CYP2R1: variants seen among roughly 807,000 people sequenced by gnomAD.
The protein encoded by CYP2R1 is cytochrome P450 family 2 subfamily R member 1.
CYP2R1 carries 40 observed loss-of-function variants against 45.7 expected under a neutral mutation model. The observed-to-expected ratio is 0.87, with a 90% CI of 0.68 to 1.14. The LOEUF (loss-of-function observed/expected upper bound fraction) is 1.14, where lower values mean the gene tolerates loss of function less well. CYP2R1 is among the 50% of genes most tolerant of loss of function. The pLI is 0.00. For missense variants in CYP2R1, 605 were observed against 602.6 expected (o/e 1.00, Z -0.04); for synonymous variants, 234 against 219.3 (o/e 1.07, Z -0.59).
In CYP2R1 at chr11:14,878,165, G is replaced by GT; in HGVS notation, c.1462dup (p.Thr488AsnfsTer12). 1 of 1,613,190 alleles carries GT rather than the reference G, an allele frequency of 6.2e-7. No homozygotes were observed. The highest frequency in any genetic ancestry group is 8.5e-7 in the Non-Finnish European group (1 of 1,179,462). On this transcript the variant is annotated frameshift_variant, in exon 5 of 5. Coordinates refer to ENST00000334636, the MANE Select transcript of CYP2R1 (RefSeq NM_024514.5). LOFTEE classifies it high-confidence loss of function. ...GATGAGGTAGGGTTGGGGCTGCAAT[G>GT]TCATGCCTAACCTGGGCTTCAGATC...
intron 1 of CYP2R1, 197 bp downstream of exon 1, chr11:14,891,784 T>TC: frequency 7.2e-7 from 1 of 1,392,836 alleles, no homozygotes; most frequent in South Asian, 1.7e-5. Context: ...GGGGCGGGGC[T>TC]CCCCCTGCAA....
chr11:14,880,635 A>G lies in CYP2R1; in HGVS notation c.501T>C (p.Asp167=). The change falls in exon 3 of 5, where the codon GAT becomes GAC. Residue 167 remains aspartate (D), a synonymous_variant. Transcript: ENST00000334636. ...KILEETKFFN[D]AIETYKGRPF... ...GTCTACCTTTGTATGTTTCAATAGC[A>G]TCATTGAAAAATTTGGTTTCTTCCA... 2 of 1,599,684 alleles carry G rather than the reference A, an allele frequency of 1.3e-6. No individual in the cohort carries two copies. Among genetic ancestry groups the G allele is most frequent in the Non-Finnish European group, 1.7e-6 (2 of 1,174,514 alleles).
intron 4 of CYP2R1, among the ~76,000 whole-genome samples, chr11:14,878,723 T>G (rs1301157412): frequency 6.6e-6 from 1 of 152,092 alleles, no homozygotes; most frequent in Non-Finnish European, 1.5e-5. Flanking sequence ...AGAAGCAATA[T>G]TTTCCTAATT....
chr11:14,882,384 C>G (rs781856868), intron 2 of CYP2R1, among the ~76,000 whole-genome samples: 2 of 152,026 alleles, frequency 1.3e-5, no homozygotes, highest in Admixed American at 1.3e-4. Context: ...AAGCAAATAC[C>G]TGAGGAAAGA....
Position 14,880,215 on chromosome 11 carries a change from G to A in CYP2R1, c.921C>T (p.Leu307=). The change falls in exon 3 of 5, where the codon CTC becomes CTT. Residue 307 remains leucine (L), a synonymous_variant. Transcript: ENST00000334636. Reference sequence around the variant, plus strand: ...TTGTAGTTTCAGTTCCAGCAATGATGAGTTCACCCACTGAGAAAATTAGGT... The same window carrying A: ...TTGTAGTTTCAGTTCCAGCAATGATAAGTTCACCCACTGAGAAAATTAGGT... The part of the protein sequence containing the change: ...KENLIFSVGE[L]IIAGTETTTN... 6.2e-7 allele frequency: 1 copy of A among 1,613,032 alleles called. No individual in the cohort carries two copies. Among genetic ancestry groups the A allele is most frequent in the South Asian group, 1.1e-5 (1 of 91,048 alleles).
intron 2 of CYP2R1, 35 bp from the exon 3 acceptor site, chr11:14,880,803 A>G: frequency 6.4e-7 from 1 of 1,565,520 alleles, no homozygotes; most frequent in African/African-American, 1.4e-5. Flanking sequence ...TATAATTCCT[A>G]CTTCTCTGTA....
intron 1 of CYP2R1, 162 bp from the exon 2 acceptor site, chr11:14,886,079 C>T (rs1848609988): frequency 1.5e-6 from 1 of 681,254 alleles, no homozygotes; most frequent in Non-Finnish European, 2.6e-6. Context: ...TGCCCTCCTT[C>T]TATAAGGCAT....
At chr11:14,887,725 C>T (rs564794428) in intron 1 of CYP2R1, 3 of 753,720 alleles carry the variant, frequency 4.0e-6, no homozygotes, top group East Asian at 1.3e-4. Context: ...CCACTCCATA[C>T]ATCCTTCAAG....
Position 14,880,259 on chromosome 11 carries a change from A to T in CYP2R1, c.877T>A (p.Ser293Thr). The change falls in exon 3 of 5, where the codon TCT becomes ACT. Residue 293 changes from serine (S) to threonine (T), a missense_variant. Ser to Thr is a moderately conservative substitution (Grantham distance 58). Transcript: ENST00000334636. ...ATTAGGTTTTCTTTGGAGAAAGTAGATGATGGGTCATTTTTACCTTGATCC... is the reference window on the plus strand; with the variant it reads ...ATTAGGTTTTCTTTGGAGAAAGTAGTTGATGGGTCATTTTTACCTTGATCC... ...EMDQGKNDPS[S>T]TFSKENLIFS... 1 of 1,613,110 alleles carries T rather than the reference A, an allele frequency of 6.2e-7. No individual in the cohort carries two copies. Among genetic ancestry groups the T allele is most frequent in the Non-Finnish European group, 8.5e-7 (1 of 1,179,436 alleles).
At chr11:14,881,498 A>T (rs1415149065) in intron 2 of CYP2R1, among the ~76,000 whole-genome samples, 1 of 152,088 alleles carries the variant, frequency 6.6e-6, no homozygotes, top group Admixed American at 6.6e-5. Context: ...AATTTCACTC[A>T]TTACTGGGAC....
chr11:14,879,071 T>C, intron 4 of CYP2R1, 43 bp downstream of exon 4: 12 of 1,459,742 alleles, frequency 8.2e-6, no homozygotes, highest in Non-Finnish European at 1.2e-5. Context: ...TGAATTATCA[T>C]TATCCTTTAT....
chr11:14,884,957 C>G (rs1555013891), intron 2 of CYP2R1, among the ~76,000 whole-genome samples: 1 of 152,094 alleles, frequency 6.6e-6, no homozygotes, highest in Non-Finnish European at 1.5e-5. Context: ...TCATTATACT[C>G]TGGCCTGAGA....
At chr11:14,889,380 G>C (rs1848743320) in intron 1 of CYP2R1, among the ~76,000 whole-genome samples, 1 of 152,178 alleles carries the variant, frequency 6.6e-6, no homozygotes, top group African/African-American at 2.4e-5. Context: ...GATAATGGGA[G>C]ATCTTTAGAG....
At chr11:14,891,378 GA>G (rs1555016835) in intron 1 of CYP2R1, 7 of 985,554 alleles carry the variant, frequency 7.1e-6, no homozygotes, top group Non-Finnish European at 8.4e-6. Context: ...TGCGCTGTAG[GA>G]CCCCCGCAGC....
At chr11:14,884,524 G>A (rs1848529890) in intron 2 of CYP2R1, among the ~76,000 whole-genome samples, 1 of 125,924 alleles carries the variant, frequency 7.9e-6, no homozygotes, top group Non-Finnish European at 1.6e-5. Context: ...ACACTCTGGG[G>A]ACTGTTGTGG....
In CYP2R1 at chr11:14,880,581, A is replaced by G; in HGVS notation, c.555T>C (p.Asn185=). ...RPFDFKQLIT[N]AVSNITNLII... is the part of the protein sequence containing the mutation. Reference sequence around the variant, plus strand: ...TCAGATTGGTTATGTTTGAAACAGCATTCGTTATTAACTGTTTAAAGTCAA... The same window carrying G: ...TCAGATTGGTTATGTTTGAAACAGCGTTCGTTATTAACTGTTTAAAGTCAA... Residue 185 remains asparagine (N), a synonymous_variant, in exon 3 of 5, where the codon AAT becomes AAC. Transcript: ENST00000334636. 1.2e-6 allele frequency: 2 copies of G among 1,613,294 alleles called. No homozygotes were observed. The highest frequency in any genetic ancestry group is 8.5e-7 in the Non-Finnish European group (1 of 1,179,544).
intron 2 of CYP2R1, among the ~76,000 whole-genome samples, chr11:14,883,407 G>A (rs1321508292): frequency 1.1e-3 from 161 of 152,190 alleles, no homozygotes; most frequent in African/African-American, 3.3e-3. Context: ...GATCTTTGAC[G>A]AACCTGAGAA....
intron 2 of CYP2R1, among the ~76,000 whole-genome samples, chr11:14,883,182 A>G (rs879992358): frequency 1.1e-4 from 17 of 151,860 alleles, no homozygotes; most frequent in Non-Finnish European, 2.2e-4. Context: ...GGAAAAAACT[A>G]CTTTAAAGTT....
At chr11:14,885,107 G>A (rs1363777966) in intron 2 of CYP2R1, among the ~76,000 whole-genome samples, 1 of 152,064 alleles carries the variant, frequency 6.6e-6, no homozygotes, top group African/African-American at 2.4e-5. Context: ...ATTTTTATTT[G>A]AAATTAAATG....
Sources: gnomAD v4.1 joint callset for allele counts (sites outside exome capture counted in the v4.1 genomes callset) on GRCh38, gnomAD v4.1.1 for gene constraint, MANE v1.5 for transcripts, NCBI Gene and HGNC (gene_info 2026-07-23, HGNC 2026-07-21) for gene names.